The following ANXA4 variants were observed in gnomAD, a reference collection of about 807,000 sequenced individuals.
ANXA4 encodes the protein annexin A4, also known as 35-beta calcimedin.
ANXA4 carries 39 observed loss-of-function variants against 49.8 expected under a neutral mutation model. The observed-to-expected ratio is 0.78, with a 90% CI of 0.61 to 1.02. The LOEUF (loss-of-function observed/expected upper bound fraction) is 1.02, where lower values mean the gene tolerates loss of function less well. ANXA4 is among the 50% of genes least tolerant of loss of function. ANXA4 has a pLI of 0.00. For missense variants in ANXA4, 360 were observed against 410.1 expected (o/e 0.88, Z 1.05); for synonymous variants, 134 against 152.5 (o/e 0.88, Z 0.89).
In ANXA4 at chr2:69,743,654, G is replaced by T. The variant is rs1670497298; in HGVS notation, c.-47+1479G>T. Among the ~76,000 whole-genome samples, 5 of 152,270 alleles carry T rather than the reference G, an allele frequency of 3.3e-5. No homozygotes were observed. The South Asian group carries it at 1.0e-3, about 32-fold the overall frequency. ...TGCTGACTCTCCAGAGCCCTATCAG[G>T]CCAAGGCCATCCTCATTCAGCTCAT... On this transcript the variant is annotated intron_variant, in intron 1 of 12. Coordinates refer to ENST00000394295, the MANE Select transcript of ANXA4 (RefSeq NM_001153.5).
At position 69,826,544 on chromosome 2, in the gene ANXA4, G is replaced by A. The variant is rs1674478257; in HGVS notation, c.*1029G>A. ...TCACGCCAGTAATCCCAACACTTTG[G>A]GAGGCCAAGGCGGGTGGATCACCTA... On this transcript the variant is annotated 3_prime_UTR_variant, in exon 13 of 13. Coordinates refer to ENST00000394295, the MANE Select transcript of ANXA4 (RefSeq NM_001153.5). 6.6e-6 allele frequency: 1 copy of A among 152,172 alleles called. No individual in the cohort carries two copies. Among genetic ancestry groups the A allele is most frequent in the African/African-American group, 2.4e-5 (1 of 41,450 alleles). 9.4% of individuals were successfully genotyped at this position (152,172 alleles called of 1,614,324 possible). A position where few individuals can be genotyped will look rare whatever the true frequency, so the allele number is the denominator to read the frequency against.
intron 3 of ANXA4, among the ~76,000 whole-genome samples, chr2:69,724,698 A>AAAGAAAGAAAGATAAGCTGGGGC (rs372765284): frequency 0.2 from 23,724 of 116,240 alleles, 6,317 homozygotes; most frequent in African/African-American, 0.33. Context: ...GTAAAAAGGC[A>AAAGAAAGAAAGATAAGCTGGGGC]AAGAAAGAAA....
intron 2 of ANXA4, among the ~76,000 whole-genome samples, chr2:69,694,521 C>G (rs1215965347): frequency 2.8e-5 from 3 of 108,352 alleles, no homozygotes; most frequent in Non-Finnish European, 3.8e-5. Context: ...CCCCCCTCCC[C>G]CCTCCCCCCA....
chr2:69,802,585 C>T (rs1673252293), intron 3 of ANXA4, among the ~76,000 whole-genome samples: 1 of 152,028 alleles, frequency 6.6e-6, no homozygotes, highest in South Asian at 2.1e-4. Flanking sequence ...GTGGCGTGCA[C>T]CTGTAGTCCC....
chr2:69,743,270 C>T (rs113348256), intron 1 of ANXA4, among the ~76,000 whole-genome samples: 6,316 of 151,936 alleles, frequency 0.042, 435 homozygotes, highest in African/African-American at 0.14. Flanking sequence ...CAGGCTGGAG[C>T]GCAGTGATAT....
chr2:69,671,279 A>T (rs1677176115), intron 2 of ANXA4, among the ~76,000 whole-genome samples: 1 of 152,228 alleles, frequency 6.6e-6, no homozygotes, highest in Non-Finnish European at 1.5e-5. Flanking sequence ...ATAAAATGAC[A>T]GGCTAAAACT....
intron 1 of ANXA4, among the ~76,000 whole-genome samples, chr2:69,648,820 C>CAAAA (rs372749631): frequency 2.2e-5 from 1 of 44,912 alleles, no homozygotes; most frequent in Non-Finnish European, 4.5e-5. Flanking sequence ...GACTCAGTCT[C>CAAAA]AAAAAAAAAA....
At chr2:69,767,885 TG>T (rs1671555754) in intron 1 of ANXA4, among the ~76,000 whole-genome samples, 1 of 152,226 alleles carries the variant, frequency 6.6e-6, no homozygotes, top group Non-Finnish European at 1.5e-5. Context: ...AATTGTCATC[TG>T]CCTTTTCACC....
At chr2:69,781,632 T>C (rs1239286750) in intron 2 of ANXA4, 58 bp downstream of exon 2, 1 of 1,599,858 alleles carries the variant, frequency 6.3e-7, no homozygotes, top group Non-Finnish European at 8.6e-7. Flanking sequence ...GTACAGAATG[T>C]GGGCTCAGCA....
intron 1 of ANXA4, among the ~76,000 whole-genome samples, chr2:69,757,329 C>T (rs1671100335): frequency 7.6e-6 from 1 of 131,290 alleles, no homozygotes; most frequent in African/African-American, 2.8e-5. Context: ...GGAGTGCAGT[C>T]GCATGATCTC....
intron 3 of ANXA4, among the ~76,000 whole-genome samples, chr2:69,729,010 T>C (rs1670032109): frequency 6.6e-6 from 1 of 152,190 alleles, no homozygotes; most frequent in African/African-American, 2.4e-5. Flanking sequence ...TCTTTATTTT[T>C]CTCAATAATA....
At chr2:69,810,702 G>T (rs760376940) in intron 7 of ANXA4, 29 bp downstream of exon 7, 2 of 1,589,296 alleles carry the variant, frequency 1.3e-6, no homozygotes, top group Non-Finnish European at 1.7e-6. Flanking sequence ...TGGGGGGCGG[G>T]TTTTATCGAA....
At chr2:69,758,285 CTACAGGCGTGAGCTACCG>C (rs1188943054) in intron 1 of ANXA4, among the ~76,000 whole-genome samples, 1 of 152,206 alleles carries the variant, frequency 6.6e-6, no homozygotes, top group Admixed American at 6.5e-5. Flanking sequence ...AGCGCTGCGA[CTACAGGCGTGAGCTACCG>C]TACCTGACCC....
intron 2 of ANXA4, among the ~76,000 whole-genome samples, chr2:69,694,868 C>T (rs890639326): frequency 4.6e-5 from 7 of 152,078 alleles, no homozygotes; most frequent in Non-Finnish European, 1.0e-4. Context: ...TCAAGTGATC[C>T]ACCTGCCTTG....
In ANXA4 at chr2:69,772,821, A is replaced by G. The variant is rs1162088369; in HGVS notation, c.-46-8699A>G. On this transcript the variant is annotated intron_variant, in intron 1 of 12. Transcript: ENST00000394295. ...ATCATGAGGTCAGGAGATCAAGACC[A>G]TCCTGGCAAACATGGTGAAACCCTG... is the stretch of plus-strand genomic sequence containing the variant. Among the ~76,000 whole-genome samples, 4 of 152,172 alleles carry G rather than the reference A, an allele frequency of 2.6e-5. No homozygotes were observed. The East Asian group carries it at 5.8e-4, about 22-fold the overall frequency.
chr2:69,645,345 C>T (rs1217563575), intron 1 of ANXA4, among the ~76,000 whole-genome samples: 2 of 152,218 alleles, frequency 1.3e-5, no homozygotes, highest in African/African-American at 4.8e-5. Context: ...TGAAATGCAG[C>T]CCCTATTCCC....
At chr2:69,643,827 G>A (rs555817447), upstream of ANXA4, 46 of 1,183,286 alleles carry the variant, frequency 3.9e-5, 1 homozygote, top group Non-Finnish European at 4.6e-5. Flanking sequence ...GCCCCTCGGG[G>A]CGGCGCGGCG....
intron 2 of ANXA4, among the ~76,000 whole-genome samples, chr2:69,700,797 A>C (rs570067864): frequency 2.0e-5 from 3 of 152,272 alleles, no homozygotes; most frequent in South Asian, 2.1e-4. Flanking sequence ...CATACTTGGC[A>C]TATTTTTTTG....
intron 2 of ANXA4, among the ~76,000 whole-genome samples, chr2:69,687,772 G>T (rs894886988): frequency 6.6e-6 from 1 of 152,144 alleles, no homozygotes; most frequent in South Asian, 2.1e-4. Context: ...GGGATTACAG[G>T]CGTGGGCTGC....
Sources: allele counts gnomAD v4.1 joint callset (sites outside exome capture counted in the v4.1 genomes callset), GRCh38; gene constraint gnomAD v4.1.1; transcripts MANE v1.5; gene names NCBI Gene and HGNC (gene_info 2026-07-23, HGNC 2026-07-21).